The following PDSS2 variants were observed in gnomAD, a reference collection of about 807,000 sequenced individuals.
PDSS2 encodes the protein all trans-polyprenyl-diphosphate synthase PDSS2.
PDSS2 carries 31 observed loss-of-function variants against 44.5 expected under a neutral mutation model. That is an observed-to-expected ratio of 0.70 (90% confidence interval 0.52 to 0.94). The LOEUF is 0.94. PDSS2 is among the 40% of genes least tolerant of loss of function. PDSS2 has a pLI of 0.00. For missense variants in PDSS2, 452 were observed against 482.2 expected (o/e 0.94, Z 0.59); for synonymous variants, 157 against 180.3 (o/e 0.87, Z 1.03).
chr6:107,349,942 A>G (rs1243643323), intron 1 of PDSS2, among the ~76,000 whole-genome samples: 1 of 152,224 alleles, frequency 6.6e-6, no homozygotes, highest in Non-Finnish European at 1.5e-5. Context: ...TTTAGTTGCC[A>G]TGCCTCTTCG....
intron 2 of PDSS2, among the ~76,000 whole-genome samples, chr6:107,280,783 T>C (rs1775937912): frequency 6.6e-6 from 1 of 152,196 alleles, no homozygotes. Context: ...ATAGCAGAGT[T>C]AATTGTGTTT....
At chr6:107,173,221 T>C (rs781990917) in intron 7 of PDSS2, among the ~76,000 whole-genome samples, 1 of 151,692 alleles carries the variant, frequency 6.6e-6, no homozygotes, top group Non-Finnish European at 1.5e-5. Flanking sequence ...TATGGTAAGA[T>C]AGATTTGAAC....
intron 1 of PDSS2, among the ~76,000 whole-genome samples, chr6:107,365,404 T>C (rs1778932732): frequency 6.6e-6 from 1 of 152,060 alleles, no homozygotes. Flanking sequence ...AATCATTCCC[T>C]AAAATATTTT....
At chr6:107,458,964 G>T (rs1024049952) in intron 1 of PDSS2, 26 bp downstream of exon 1, 1 of 1,610,168 alleles carries the variant, frequency 6.2e-7, no homozygotes, top group African/African-American at 1.3e-5. Context: ...GAGTGCGAGT[G>T]TGTCAGCGGG....
At chr6:107,254,127 G>A (rs376538402) in intron 3 of PDSS2, among the ~76,000 whole-genome samples, 4 of 148,006 alleles carry the variant, frequency 2.7e-5, no homozygotes, top group East Asian at 2.0e-4. Flanking sequence ...TCTGCCTCCC[G>A]GGTTCAAGTG....
chr6:107,235,656 C>T (rs1425914456), intron 4 of PDSS2, among the ~76,000 whole-genome samples: 1 of 151,766 alleles, frequency 6.6e-6, no homozygotes, highest in Non-Finnish European at 1.5e-5. Context: ...TGGCACCCAA[C>T]CAAAAATAAC....
At position 107,154,632 on chromosome 6, in the gene PDSS2, G is replaced by T. The variant is rs369868953; in HGVS notation, c.1187C>A (p.Thr396Asn). The T allele has an allele frequency of 2.5e-6, 4 of 1,613,994 alleles. No homozygotes were observed. The African/African-American group carries it at 4.0e-5, about 16-fold the overall frequency. The change falls in exon 8 of 8, where the codon ACC becomes AAC. Residue 396 changes from threonine (T) to asparagine (N), a missense_variant. By Grantham distance (65) the Thr-to-Asn change is moderately conservative. Transcript: ENST00000369037. The part of the protein sequence containing the change: ...SALENIVFAV[T>N]RFS ...TTTAATTTGATGTCATGAAAATCTG[G>T]TCACAGCAAACACAATGTTTTCTAA...
At chr6:107,284,030 A>C (rs1776057517) in intron 2 of PDSS2, among the ~76,000 whole-genome samples, 2 of 151,470 alleles carry the variant, frequency 1.3e-5, no homozygotes, top group African/African-American at 4.8e-5. Context: ...CTGTTTCAAA[A>C]ATAATAATAA....
intron 1 of PDSS2, among the ~76,000 whole-genome samples, chr6:107,418,205 G>A (rs1780723263): frequency 6.6e-6 from 1 of 152,102 alleles, no homozygotes; most frequent in African/African-American, 2.4e-5. Context: ...CAAGATGGGA[G>A]GATTATCCTG....
intron 4 of PDSS2, among the ~76,000 whole-genome samples, chr6:107,221,125 G>A (rs1039169600): frequency 1.3e-5 from 2 of 152,114 alleles, no homozygotes; most frequent in African/African-American, 4.8e-5. Context: ...GGTGGATCAC[G>A]AGGTCAGGAG....
At chr6:107,219,483 C>T (rs1449962549) in intron 4 of PDSS2, among the ~76,000 whole-genome samples, 2 of 152,092 alleles carry the variant, frequency 1.3e-5, no homozygotes, top group Non-Finnish European at 2.9e-5. Context: ...AGACGATTTT[C>T]GCTATGTTGG....
chr6:107,313,414 A>G (rs200870244), intron 2 of PDSS2, among the ~76,000 whole-genome samples: 1 of 152,154 alleles, frequency 6.6e-6, no homozygotes, highest in Non-Finnish European at 1.5e-5. Flanking sequence ...GTGCAGTGGC[A>G]TGATCTCGGC....
intron 4 of PDSS2, among the ~76,000 whole-genome samples, chr6:107,232,738 C>G (rs902316089): frequency 6.6e-6 from 1 of 152,186 alleles, no homozygotes; most frequent in African/African-American, 2.4e-5. Flanking sequence ...GCCTGCCACA[C>G]AGCAGATGCT....
chr6:107,374,463 T>A (rs1779222407), intron 1 of PDSS2, among the ~76,000 whole-genome samples: 1 of 152,222 alleles, frequency 6.6e-6, no homozygotes, highest in African/African-American at 2.4e-5. Context: ...GGACCTACTA[T>A]GTGCCAGGCA....
At chr6:107,312,107 G>A (rs192730929) in intron 2 of PDSS2, among the ~76,000 whole-genome samples, 2 of 152,338 alleles carry the variant, frequency 1.3e-5, no homozygotes, top group African/African-American at 4.8e-5. Context: ...AAATAGCACA[G>A]TGCATGCAGC....
intron 2 of PDSS2, among the ~76,000 whole-genome samples, chr6:107,291,931 G>C (rs1776362755): frequency 6.6e-6 from 1 of 152,128 alleles, no homozygotes; most frequent in African/African-American, 2.4e-5. Context: ...TCAAGTTACA[G>C]GTTCAAGGGT....
At chr6:107,437,713 T>A (rs1046297422) in intron 1 of PDSS2, among the ~76,000 whole-genome samples, 1 of 151,992 alleles carries the variant, frequency 6.6e-6, no homozygotes, top group African/African-American at 2.4e-5. Flanking sequence ...CATTCCCCTA[T>A]GCCCCACCTC....
chr6:107,408,122 G>C (rs538072660), intron 1 of PDSS2, among the ~76,000 whole-genome samples: 1 of 151,814 alleles, frequency 6.6e-6, no homozygotes, highest in Non-Finnish European at 1.5e-5. Flanking sequence ...CTGTCTCCTG[G>C]GTTCAAATGA....
intron 3 of PDSS2, chr6:107,264,204 T>TA: frequency 9.2e-7 from 1 of 1,086,360 alleles, no homozygotes; most frequent in South Asian, 3.9e-5. Context: ...AGCATCTTTA[T>TA]TAAACTATAT....
Sources: allele counts gnomAD v4.1 joint callset (sites outside exome capture counted in the v4.1 genomes callset), GRCh38; gene constraint gnomAD v4.1.1; transcripts MANE v1.5; gene names NCBI Gene and HGNC (gene_info 2026-07-23, HGNC 2026-07-21).